The following SLC10A6 variants were observed in gnomAD, a reference collection of about 807,000 sequenced individuals.
The protein encoded by SLC10A6 is sodium-dependent organic anion transporter.
Under a neutral mutation model 30.0 loss-of-function variants are expected in SLC10A6, and 27 were observed. The observed-to-expected ratio is 0.90, with a 90% CI of 0.66 to 1.24. The LOEUF is 1.24. Among genes scored for constraint, SLC10A6 ranks in the 50% most tolerant of loss-of-function variants. SLC10A6 has a pLI of 0.00. For synonymous variants in SLC10A6, 166 were observed against 173.8 expected (o/e 0.95, Z 0.36); for missense variants, 439 against 457.0 (o/e 0.96, Z 0.36).
At chr4:86,839,798 A>G (rs987596173) in intron 1 of SLC10A6, among the ~76,000 whole-genome samples, 22 of 152,182 alleles carry the variant, frequency 1.4e-4, no homozygotes, top group Admixed American at 1.1e-3. Flanking sequence ...ACTACTTTCC[A>G]AAAAGATTGC....
chr4:86,837,339 A>AAGGAAGGAAGGAAGGAAGGC (rs1746218407), intron 1 of SLC10A6, among the ~76,000 whole-genome samples: 1 of 103,046 alleles, frequency 9.7e-6, no homozygotes, highest in Admixed American at 9.1e-5. Flanking sequence ...GGAAGGAAGG[A>AAGGAAGGAAGGAAGGAAGGC]AGGAAGGCAG....
At chr4:86,840,678 C>T (rs995773488) in intron 1 of SLC10A6, among the ~76,000 whole-genome samples, 1 of 152,152 alleles carries the variant, frequency 6.6e-6, no homozygotes, top group Non-Finnish European at 1.5e-5. Context: ...ACTGAAGTGT[C>T]ACCTTTATCA....
At chr4:86,842,786 T>TTTCTTTCTTTCTTTC (rs1746312918) in intron 1 of SLC10A6, among the ~76,000 whole-genome samples, 2 of 106,696 alleles carry the variant, frequency 1.9e-5, no homozygotes, top group Non-Finnish European at 3.9e-5. Flanking sequence ...TGGACACCTC[T>TTTCTTTCTTTCTTTC]TTTCTTTCTT....
intron 2 of SLC10A6, 33 bp from the exon 3 acceptor site, chr4:86,831,913 C>T (rs1746088237): frequency 3.9e-6 from 6 of 1,545,550 alleles, no homozygotes; most frequent in African/African-American, 1.4e-5. Context: ...AGAGGGTTTT[C>T]CCTCTCACCC....
intron 4 of SLC10A6, 67 bp downstream of exon 4, chr4:86,827,926 A>G (rs1412239888): frequency 2.1e-6 from 3 of 1,462,710 alleles, no homozygotes; most frequent in Non-Finnish European, 2.8e-6. Context: ...ACAGGCAGCA[A>G]AGCCTACCAG....
At chr4:86,842,786 T>TTTTCTCTTTCTTTCTTTC (rs1746313018) in intron 1 of SLC10A6, among the ~76,000 whole-genome samples, 1 of 106,696 alleles carries the variant, frequency 9.4e-6, no homozygotes, top group Admixed American at 1.0e-4. Context: ...TGGACACCTC[T>TTTTCTCTTTCTTTCTTTC]TTTCTTTCTT....
chr4:86,837,324 A>AGAGGAAGGAAGTAG (rs1746216433), intron 1 of SLC10A6, among the ~76,000 whole-genome samples: 2 of 148,440 alleles, frequency 1.3e-5, no homozygotes, highest in Admixed American at 6.7e-5. Context: ...GAAGGAAGGA[A>AGAGGAAGGAAGTAG]GGAAGGAAGG....
intron 1 of SLC10A6, among the ~76,000 whole-genome samples, chr4:86,840,170 T>C (rs893719878): frequency 1.3e-5 from 2 of 151,964 alleles, no homozygotes; most frequent in Non-Finnish European, 2.9e-5. Flanking sequence ...CCACCCACCT[T>C]GGCCTCCCAA....
intron 4 of SLC10A6, among the ~76,000 whole-genome samples, chr4:86,826,949 A>G (rs1192282476): frequency 1.3e-5 from 2 of 152,188 alleles, no homozygotes; most frequent in African/African-American, 4.8e-5. Flanking sequence ...AATGCTGTCA[A>G]TGGTACAGGG....
At chr4:86,826,025 T>G (rs17694358) in intron 4 of SLC10A6, among the ~76,000 whole-genome samples, 12,793 of 152,196 alleles carry the variant, frequency 0.084, 668 homozygotes, top group Non-Finnish European at 0.11. Context: ...CAGCAGGCAT[T>G]GCATATACTG....
rs1578753965 is a variant in SLC10A6 at position 86,827,992 on chromosome 4, C to A, written c.761+1G>T. ...AAAGTTTATGGATAGTTTAACTATA[C>A]CTTTGCCAAGACTGGTGGGTAAAAA... On this transcript the variant is annotated splice_donor_variant, in intron 4 of 5. Transcript: ENST00000273905. LOFTEE classifies it high-confidence loss of function. 6.2e-7 allele frequency: 1 copy of A among 1,613,114 alleles called. No individual in the cohort carries two copies. The highest frequency in any genetic ancestry group is 8.5e-7 in the Non-Finnish European group (1 of 1,179,672).
intron 1 of SLC10A6, among the ~76,000 whole-genome samples, chr4:86,847,936 C>T (rs1746419926): frequency 6.6e-6 from 1 of 152,196 alleles, no homozygotes; most frequent in African/African-American, 2.4e-5. Context: ...TATCCCTCTA[C>T]TCTTTCCTCA....
At chr4:86,831,955 T>G in intron 2 of SLC10A6, 75 bp from the exon 3 acceptor site, 1 of 1,164,700 alleles carries the variant, frequency 8.6e-7, no homozygotes. Context: ...CAACTTCTAT[T>G]TCAATTAGGT....
intron 1 of SLC10A6, among the ~76,000 whole-genome samples, chr4:86,837,189 C>A (rs1746199412): frequency 7.6e-6 from 1 of 131,548 alleles, no homozygotes; most frequent in Non-Finnish European, 1.5e-5. Context: ...GAAGAAGAGC[C>A]CATGGTGCAT....
chr4:86,848,691 C>T (rs768227979), intron 1 of SLC10A6, 48 bp downstream of exon 1: 3 of 1,522,660 alleles, frequency 2.0e-6, no homozygotes, highest in South Asian at 1.3e-5. Context: ...GTTATTCCCC[C>T]TAGGCAGGAT....
intron 1 of SLC10A6, among the ~76,000 whole-genome samples, chr4:86,845,273 T>G (rs766790705): frequency 5.9e-5 from 9 of 152,148 alleles, no homozygotes; most frequent in Non-Finnish European, 1.5e-5. Flanking sequence ...CACTGCAGAC[T>G]GTGGGAACAA....
intron 3 of SLC10A6, among the ~76,000 whole-genome samples, chr4:86,829,676 T>C (rs917646315): frequency 6.6e-6 from 1 of 151,662 alleles, no homozygotes; most frequent in Non-Finnish European, 1.5e-5. Flanking sequence ...GTGTCAGATC[T>C]AAAATTAAAA....
chr4:86,827,256 A>C (rs1746012621), intron 4 of SLC10A6, among the ~76,000 whole-genome samples: 1 of 152,234 alleles, frequency 6.6e-6, no homozygotes, highest in African/African-American at 2.4e-5. Flanking sequence ...TTTGGAAACA[A>C]ACCCAGGTCC....
intron 2 of SLC10A6, among the ~76,000 whole-genome samples, 185 bp downstream of exon 2, chr4:86,833,121 C>A (rs761172707): frequency 6.6e-6 from 1 of 152,044 alleles, no homozygotes; most frequent in Non-Finnish European, 1.5e-5. Context: ...AGTTACTAAA[C>A]CTCTTGAAGC....
Sources: allele counts gnomAD v4.1 joint callset (sites outside exome capture counted in the v4.1 genomes callset), GRCh38; gene constraint gnomAD v4.1.1; transcripts MANE v1.5; gene names NCBI Gene and HGNC (gene_info 2026-07-23, HGNC 2026-07-21).